The following LAMA4 variants were observed in gnomAD, a reference collection of about 807,000 sequenced individuals.
The protein encoded by LAMA4 is laminin subunit alpha-4.
In LAMA4, 127 loss-of-function variants were observed where a neutral mutation model predicts 207.1. The observed-to-expected ratio is 0.61, with a 90% CI of 0.53 to 0.71. The LOEUF (loss-of-function observed/expected upper bound fraction) is 0.71, where lower values mean the gene tolerates loss of function less well. Ranked by LOEUF, LAMA4 falls within the 30% of genes least tolerant of loss-of-function variation. LAMA4 has a pLI of 0.00. For missense variants in LAMA4, 2,093 were observed against 2,246.5 expected (o/e 0.93, Z 1.38); for synonymous variants, 761 against 816.0 (o/e 0.93, Z 1.15).
intron 5 of LAMA4, among the ~76,000 whole-genome samples, chr6:112,197,748 C>A (rs1783506005): frequency 1.3e-5 from 2 of 152,174 alleles, no homozygotes; most frequent in Admixed American, 1.3e-4. Flanking sequence ...TGTGACGACT[C>A]ATGTCTCTCA....
At position 112,140,818 on chromosome 6, in the gene LAMA4, A is replaced by C; in HGVS notation, c.2918T>G (p.Leu973Arg). ...CACTGTGTCCTCAGGGTCCAGGTCC[A>C]GCAGAGAGTCATCTCCCGAAAATTC... ...KGEFSGDDSLLDLDPEDTVFY... is the reference protein window; with the variant it reads ...KGEFSGDDSLRDLDPEDTVFY... Residue 973 changes from leucine to arginine, a missense_variant, in exon 22 of 39, where the codon CTG becomes CGG. This residue lies in a region of LAMA4 where 1,704 missense variants were observed against 1,788.4 expected (regional missense o/e 0.95). Coordinates refer to ENST00000230538, the MANE Select transcript of LAMA4 (RefSeq NM_001105206.3). 6.2e-7 allele frequency: 1 copy of C among 1,614,112 alleles called. No individual in the cohort carries two copies. Among genetic ancestry groups the C allele is most frequent in the Non-Finnish European group, 8.5e-7 (1 of 1,179,960 alleles).
intron 2 of LAMA4, among the ~76,000 whole-genome samples, chr6:112,223,785 T>G (rs1554361378): frequency 6.6e-6 from 1 of 152,212 alleles, no homozygotes; most frequent in African/African-American, 2.4e-5. Flanking sequence ...TTGCTCTTCC[T>G]CACAGGTTTT....
At chr6:112,183,740 C>G (rs1366442739) in intron 9 of LAMA4, among the ~76,000 whole-genome samples, 2 of 151,842 alleles carry the variant, frequency 1.3e-5, no homozygotes. Context: ...CACCTGAGGT[C>G]AAGAGTTTGA....
chr6:112,135,530 ATAT>A (rs1554331285), intron 25 of LAMA4, among the ~76,000 whole-genome samples: 2 of 152,218 alleles, frequency 1.3e-5, no homozygotes, highest in African/African-American at 4.8e-5. Context: ...AACTTAAAAG[ATAT>A]TATGCCTTGT....
chr6:112,189,081 G>T (rs782404981), intron 7 of LAMA4, 29 bp downstream of exon 7: 1 of 1,463,474 alleles, frequency 6.8e-7, no homozygotes, highest in Non-Finnish European at 9.6e-7. Context: ...AGAAAGTGGG[G>T]TTAGTCAATC....
intron 13 of LAMA4, among the ~76,000 whole-genome samples, chr6:112,161,018 T>G (rs1781023278): frequency 6.6e-6 from 1 of 152,240 alleles, no homozygotes; most frequent in African/African-American, 2.4e-5. Flanking sequence ...TCCCATGGTC[T>G]AATCTTGACC....
chr6:112,202,423 T>A (rs1303459913), intron 4 of LAMA4, among the ~76,000 whole-genome samples: 1 of 126,736 alleles, frequency 7.9e-6, no homozygotes, highest in Non-Finnish European at 1.7e-5. Context: ...CATAGACACA[T>A]GAATTGTGTG....
At chr6:112,121,077 CA>C (rs371868100) in intron 32 of LAMA4, among the ~76,000 whole-genome samples, 1,343 of 134,048 alleles carry the variant, frequency 0.01, 10 homozygotes, top group African/African-American at 0.028. Context: ...GACCTTGTCT[CA>C]AAAAAAAAAA....
chr6:112,185,272 T>G lies in LAMA4; in HGVS notation c.1042A>C (p.Ser348Arg), dbSNP rs956538362. ...AATTCCTCTACGTCAGACAGAAGGC[T>G]TTTCATCGTGTTCTCAGCATTGTTG... ...QINNAENTMK[S>R]LLSDVEELVE... The change falls in exon 9 of 39, where the codon AGC becomes CGC. Residue 348 changes from serine (S) to arginine (R), a missense_variant. Physicochemically the swap from Ser to Arg is moderately radical, Grantham distance 110. Around this residue, in one of 3 missense-constraint regions of LAMA4, gnomAD observed 1,704 missense variants for 1,788.4 expected, o/e 0.95. Transcript: ENST00000230538. The G allele has an allele frequency of 2.5e-6, 4 of 1,612,872 alleles. No homozygotes were observed. In the African/African-American group the frequency reaches 4.0e-5, roughly 16 times the overall value.
intron 12 of LAMA4, among the ~76,000 whole-genome samples, chr6:112,165,614 G>T (rs1455220719): frequency 6.6e-6 from 1 of 152,158 alleles, no homozygotes; most frequent in African/African-American, 2.4e-5. Context: ...TTGAACACAG[G>T]CTCTATATTT....
intron 12 of LAMA4, among the ~76,000 whole-genome samples, chr6:112,170,717 C>G (rs1781662341): frequency 6.6e-6 from 1 of 152,110 alleles, no homozygotes; most frequent in South Asian, 2.1e-4. Context: ...AAGACAGATT[C>G]CCTTACTTTT....
chr6:112,192,079 C>G (rs1214033054), intron 5 of LAMA4, among the ~76,000 whole-genome samples: 1 of 152,192 alleles, frequency 6.6e-6, no homozygotes, highest in Non-Finnish European at 1.5e-5. Flanking sequence ...CCATTCAGTT[C>G]AGCCAGGCTT....
intron 11 of LAMA4, 109 bp from the exon 12 acceptor site, chr6:112,172,913 A>G (rs1554342473): frequency 1.3e-6 from 1 of 798,202 alleles, no homozygotes; most frequent in Non-Finnish European, 2.1e-6. Flanking sequence ...TTCTTTAGCA[A>G]TGGAGATTGA....
chr6:112,178,533 A>G, intron 9 of LAMA4: 1 of 380,642 alleles, frequency 2.6e-6, no homozygotes, highest in Non-Finnish European at 5.0e-6. Flanking sequence ...TCACCCGAGC[A>G]GTATACACTG....
At position 112,158,770 on chromosome 6, in the gene LAMA4, A is replaced by G; in HGVS notation, c.1779T>C (p.His593=). The G allele has an allele frequency of 5.0e-6, 8 of 1,613,924 alleles. No homozygotes were observed. The highest frequency in any genetic ancestry group is 6.8e-6 in the Non-Finnish European group (8 of 1,179,830). ...SHDLVQEAID[H]AQDLQQEANE... Reference sequence around the variant, plus strand: ...TAGCTTCTTGTTGAAGGTCCTGTGCATGGTCAATAGCTTCTTGGACTAAAT... The same window carrying G: ...TAGCTTCTTGTTGAAGGTCCTGTGCGTGGTCAATAGCTTCTTGGACTAAAT... The change falls in exon 14 of 39, where the codon CAT becomes CAC. Residue 593 remains histidine (H), a synonymous_variant. Coordinates refer to ENST00000230538, the MANE Select transcript of LAMA4 (RefSeq NM_001105206.3).
intron 31 of LAMA4, among the ~76,000 whole-genome samples, chr6:112,126,007 A>G (rs1332700927): frequency 6.6e-6 from 1 of 152,250 alleles, no homozygotes; most frequent in Non-Finnish European, 1.5e-5. Flanking sequence ...TCTAGTTACC[A>G]TAAAATATAA....
Position 112,115,972 on chromosome 6 carries a change from A to G in LAMA4, c.5003T>C (p.Leu1668Ser). 1 of 1,613,284 alleles carries G rather than the reference A, an allele frequency of 6.2e-7. No homozygotes were observed. The highest frequency in any genetic ancestry group is 8.5e-7 in the Non-Finnish European group (1 of 1,179,422). The stretch of plus-strand genomic sequence containing the variant: ...GACTTCAAATGCAATTTCAAACTTC[A>G]ATCCAATATTGAAAGATTCATCTGT... ...VVLDESFNIG[L>S]KFEIAFEVRP... The change falls in exon 36 of 39, where the codon TTG (leucine) becomes TCG (serine). Residue 1668 changes from leucine (L) to serine (S), a missense_variant. Leu to Ser is a moderately radical substitution (Grantham distance 145, BLOSUM62 -2). Around this residue, in one of 3 missense-constraint regions of LAMA4, gnomAD observed 383 missense variants for 437.8 expected, o/e 0.87. Coordinates refer to ENST00000230538, the MANE Select transcript of LAMA4 (RefSeq NM_001105206.3).
intron 16 of LAMA4, among the ~76,000 whole-genome samples, chr6:112,150,963 T>C (rs1554335660): frequency 6.6e-6 from 1 of 152,202 alleles, no homozygotes; most frequent in African/African-American, 2.4e-5. Flanking sequence ...TCTCTACATA[T>C]ATGTGATAAC....
chr6:112,226,678 C>A (rs1271897076), intron 2 of LAMA4, among the ~76,000 whole-genome samples: 1 of 152,172 alleles, frequency 6.6e-6, no homozygotes, highest in Admixed American at 6.5e-5. Flanking sequence ...AATAGCAAGT[C>A]AATGCCAAAA....
Sources: allele counts gnomAD v4.1 joint callset (sites outside exome capture counted in the v4.1 genomes callset), GRCh38; gene constraint gnomAD v4.1.1; regional missense constraint gnomAD v4.1.1; transcripts MANE v1.5; gene names NCBI Gene and HGNC (gene_info 2026-07-23, HGNC 2026-07-21).